PARP1: variants seen among roughly 807,000 people sequenced by gnomAD.
PARP1 encodes poly(ADP-ribose) polymerase 1.
In PARP1, 44 loss-of-function variants were observed where a neutral mutation model predicts 118.7. That is an observed-to-expected ratio of 0.37 (90% CI 0.29 to 0.48). The LOEUF is 0.48. PARP1 is among the 20% of genes least tolerant of loss of function. The probability of loss-of-function intolerance (pLI) is 0.99; values close to 1 mark genes in which losing one functional copy is unlikely to be tolerated. For missense variants in PARP1, 1,100 were observed against 1,272.4 expected (o/e 0.86, Z 2.06); for synonymous variants, 492 against 483.2 (o/e 1.02, Z -0.24).
rs896410506 is a variant in PARP1, at chr1:226,408,002, T to C, written c.-73A>G. 5.6e-6 allele frequency: 9 copies of C among 1,596,884 alleles called. No homozygotes were observed. The highest frequency in any genetic ancestry group is 4.6e-5 in the East Asian group (2 of 43,604). Reference sequence around the variant, plus strand: ...AGAAACACGCTGCCGCCTCGCCGCCTCGCGTGCGCTCACCCAGCCGCAGGC... The same window carrying C: ...AGAAACACGCTGCCGCCTCGCCGCCCCGCGTGCGCTCACCCAGCCGCAGGC... On this transcript the variant is annotated 5_prime_UTR_variant, in exon 1 of 23. Transcript: ENST00000366794.
At chr1:226,393,126 G>C in intron 2 of PARP1, 3 of 772,160 alleles carry the variant, frequency 3.9e-6, no homozygotes, top group Non-Finnish European at 5.5e-6. Flanking sequence ...ACTAAATTAA[G>C]TGAATTTAGC....
chr1:226,387,450 A>G (rs892300781), intron 5 of PARP1, among the ~76,000 whole-genome samples: 1 of 152,186 alleles, frequency 6.6e-6, no homozygotes, highest in African/African-American at 2.4e-5. Context: ...TGCCAGCCCT[A>G]TCATATCCTA....
intron 8 of PARP1, 42 bp from the exon 9 acceptor site, chr1:226,381,250 G>A: frequency 6.2e-7 from 1 of 1,613,728 alleles, no homozygotes. Flanking sequence ...GCCAGCTCTG[G>A]TGCTGCTCCC....
chr1:226,390,741 G>A (rs559801556), intron 3 of PARP1, 117 bp from the exon 4 acceptor site: 280 of 903,480 alleles, frequency 3.1e-4, no homozygotes, highest in Non-Finnish European at 4.3e-4. Context: ...AGGCCTGCCC[G>A]CCAACTTGAA....
chr1:226,375,045 G>A (rs1399659823), intron 13 of PARP1, among the ~76,000 whole-genome samples: 2 of 152,220 alleles, frequency 1.3e-5, no homozygotes, highest in Admixed American at 6.5e-5. Context: ...TATAGACGGT[G>A]CTCTGTCCAG....
At chr1:226,379,695 AG>A in intron 10 of PARP1, 54 bp from the exon 11 acceptor site, 1 of 1,452,052 alleles carries the variant, frequency 6.9e-7, no homozygotes, top group Non-Finnish European at 9.6e-7. Context: ...CTAAAAAGTA[AG>A]GGGAAGGTAG....
At chr1:226,385,793 G>A in intron 6 of PARP1, 113 bp from the exon 7 acceptor site, 1 of 983,316 alleles carries the variant, frequency 1.0e-6, no homozygotes, top group Non-Finnish European at 1.6e-6. Flanking sequence ...AAAGAAGAGA[G>A]GCTTCTTGCT....
intron 6 of PARP1, 100 bp from the exon 7 acceptor site, chr1:226,385,780 T>C: frequency 1.8e-6 from 2 of 1,086,176 alleles, no homozygotes; most frequent in Non-Finnish European, 2.8e-6. Flanking sequence ...TTCCACTCAC[T>C]ACAAAGAAGA....
Position 226,368,219 on chromosome 1 carries a change from TC to T in PARP1, c.2256del (p.Asn753ThrfsTer87), listed in dbSNP as rs760722276. On this transcript the variant is annotated frameshift_variant, in exon 16 of 23. Coordinates refer to ENST00000366794, the MANE Select transcript of PARP1 (RefSeq NM_001618.4). LOFTEE classifies it high-confidence loss of function. ...HDFGMKKPPL[L>X]NNADSVQAKV... is the part of the protein sequence containing the mutation. Reference sequence around the variant, plus strand: ...GCTACCTGCACACTGTCTGCATTGTTCAGGAGCGGAGGCTTCTTCATCCCAA... The same window carrying T: ...GCTACCTGCACACTGTCTGCATTGTTAGGAGCGGAGGCTTCTTCATCCCAA... 3.7e-6 allele frequency: 6 copies of T among 1,614,194 alleles called. No individual in the cohort carries two copies. The highest frequency in any genetic ancestry group is 8.5e-7 in the Non-Finnish European group (1 of 1,180,030).
At chr1:226,365,606 A>C (rs1049890344) in intron 18 of PARP1, among the ~76,000 whole-genome samples, 10 of 152,146 alleles carry the variant, frequency 6.6e-5, no homozygotes, top group Admixed American at 5.9e-4. Context: ...ATCTCTACTA[A>C]AAATACAAAA....
rs539147870 is a variant in PARP1, at chr1:226,395,115, C to T, written c.287-2801G>A. 9.9e-5 allele frequency among the ~76,000 whole-genome samples: 15 copies of T among 150,932 alleles called. No homozygotes were observed. The South Asian group carries it at 2.3e-3, about 23-fold the overall frequency. On this transcript the variant is annotated intron_variant, in intron 2 of 22. Transcript: ENST00000366794. Reference sequence around the variant, plus strand: ...TACTACTTCACACACATTAGGATGGCTATTATTTAAAAAAAAAAAAAGTGT... The same window carrying T: ...TACTACTTCACACACATTAGGATGGTTATTATTTAAAAAAAAAAAAAGTGT...
chr1:226,364,042 T>C lies in PARP1; in HGVS notation c.2687A>G (p.Tyr896Cys), dbSNP rs1664204611. ...ACTCTTGGAGACCATGTCAGCGAAA[T>C]AGATCCCTTTACCAAACATGTAGCC... ...VTGYMFGKGI[Y>C]FADMVSKSAN... Residue 896 changes from tyrosine to cysteine, a missense_variant, in exon 20 of 23, where the codon TAT (tyrosine) becomes TGT (cysteine). By Grantham distance (194) the Tyr-to-Cys change is radical. Around this residue, in one of 2 missense-constraint regions of PARP1, gnomAD observed 152 missense variants for 240.6 expected, o/e 0.63. Coordinates refer to ENST00000366794, the MANE Select transcript of PARP1 (RefSeq NM_001618.4). 7 of 1,613,822 alleles carry C rather than the reference T, an allele frequency of 4.3e-6. No individual in the cohort carries two copies. The highest frequency in any genetic ancestry group is 2.2e-5 in the East Asian group (1 of 44,892).
Position 226,407,984 on chromosome 1 carries a change from C to A in PARP1, c.-55G>T. On this transcript the variant is annotated 5_prime_UTR_variant, in exon 1 of 23. Transcript: ENST00000366794. Reference sequence around the variant, plus strand: ...AGCCCGACGCCACGACCTAGAAACACGCTGCCGCCTCGCCGCCTCGCGTGC... The same window carrying A: ...AGCCCGACGCCACGACCTAGAAACAAGCTGCCGCCTCGCCGCCTCGCGTGC... 1.2e-6 allele frequency: 2 copies of A among 1,608,926 alleles called. No individual in the cohort carries two copies. The highest frequency in any genetic ancestry group is 1.7e-6 in the Non-Finnish European group (2 of 1,178,090).
Position 226,395,699 on chromosome 1 carries a change from G to A in PARP1, c.287-3385C>T, listed in dbSNP as rs141128577. ...CCTAAATTTCCACAGACATACAAAT[G>A]GGCAAATGAAATATGGCATATTCGT... On this transcript the variant is annotated intron_variant, in intron 2 of 22. Coordinates refer to ENST00000366794, the MANE Select transcript of PARP1 (RefSeq NM_001618.4). 6.6e-3 allele frequency among the ~76,000 whole-genome samples: 999 copies of A among 152,192 alleles called. 12 individuals are homozygous for A. Among genetic ancestry groups the A allele is most frequent in the African/African-American group, 0.023 (948 of 41,500 alleles).
At chr1:226,374,990 T>C (rs1490771841) in intron 13 of PARP1, among the ~76,000 whole-genome samples, 2 of 152,230 alleles carry the variant, frequency 1.3e-5, no homozygotes, top group African/African-American at 2.4e-5. Context: ...AAGATCACAC[T>C]GTACTGAAAC....
At chr1:226,394,027 C>T (rs571312433) in intron 2 of PARP1, among the ~76,000 whole-genome samples, 35 of 152,260 alleles carry the variant, frequency 2.3e-4, no homozygotes, top group African/African-American at 8.2e-4. Flanking sequence ...GACAAAGAAT[C>T]AGTATCTTTT....
rs201570154 is a variant in PARP1, at chr1:226,379,187, T to C, written c.1700A>G (p.Asn567Ser). ...CAGAAGCTGCAGCTTGTAGTAGGAG[T>C]TGGTTCCTTTAACGATGTCCACCAG... Reference protein sequence around the residue: ...LGLVDIVKGTNSYYKLQLLED... With the variant: ...LGLVDIVKGTSSYYKLQLLED... Residue 567 changes from asparagine to serine, a missense_variant, in exon 12 of 23, where the codon AAC (asparagine) becomes AGC (serine). By Grantham distance (46) the Asn-to-Ser change is conservative. Transcript: ENST00000366794. 6.2e-7 allele frequency: 1 copy of C among 1,614,054 alleles called. No individual in the cohort carries two copies. The highest frequency in any genetic ancestry group is 2.2e-5 in the East Asian group (1 of 44,874).
intron 2 of PARP1, among the ~76,000 whole-genome samples, chr1:226,393,436 T>G (rs1664856670): frequency 6.6e-6 from 1 of 152,226 alleles, no homozygotes; most frequent in Non-Finnish European, 1.5e-5. Flanking sequence ...CTAGCAGCTG[T>G]ATTTGTAATA....
intron 14 of PARP1, among the ~76,000 whole-genome samples, chr1:226,373,119 G>A (rs909946193): frequency 6.6e-6 from 1 of 152,196 alleles, no homozygotes; most frequent in African/African-American, 2.4e-5. Flanking sequence ...TGTCCATGCG[G>A]CTTAGGCTGC....
Sources: allele counts gnomAD v4.1 joint callset (sites outside exome capture counted in the v4.1 genomes callset), GRCh38; gene constraint gnomAD v4.1.1; regional missense constraint gnomAD v4.1.1; transcripts MANE v1.5; gene names NCBI Gene and HGNC (gene_info 2026-07-23, HGNC 2026-07-21).